Variants in PHIP observed in about 807,000 individuals in gnomAD.
The protein encoded by PHIP is PHIP subunit of CUL4-Ring ligase complex, also known as PH-interacting protein.
Under a neutral mutation model 236.8 loss-of-function variants are expected in PHIP, and 54 were observed. The ratio of observed to expected loss-of-function variants is 0.23; its 90% CI spans 0.18 to 0.29. The LOEUF (loss-of-function observed/expected upper bound fraction) is 0.29. Among genes scored for constraint, PHIP ranks in the 10% least tolerant of loss-of-function variants. The pLI is 1.00. For synonymous variants in PHIP, 756 were observed against 718.9 expected, an observed-to-expected ratio of 1.05 and a Z score of -0.83; for missense variants, 1,370 against 2,190.8, an observed-to-expected ratio of 0.63 and a Z score of 7.48.
At chr6:78,946,356 T>G in intron 37 of PHIP, 96 bp from the exon 38 acceptor site, 1 of 1,418,204 alleles carries the variant, frequency 7.1e-7, no homozygotes, top group Non-Finnish European at 9.4e-7. Context: ...TGTACTATTA[T>G]GAAATATGTT....
intron 4 of PHIP, among the ~76,000 whole-genome samples, chr6:79,071,207 CTGA>C (rs754873737): frequency 2.4e-4 from 37 of 152,326 alleles, no homozygotes; most frequent in Non-Finnish European, 3.7e-4. Flanking sequence ...TGCCTCACAA[CTGA>C]TGATTGCCTT....
At chr6:79,056,831 G>A (rs564235041) in intron 6 of PHIP, among the ~76,000 whole-genome samples, 13 of 152,048 alleles carry the variant, frequency 8.5e-5, no homozygotes, top group South Asian at 2.1e-4. Flanking sequence ...TTGCTTATCC[G>A]CAACTCCAGA....
chr6:79,072,873 T>C (rs1773955807), intron 4 of PHIP, among the ~76,000 whole-genome samples: 1 of 152,218 alleles, frequency 6.6e-6, no homozygotes, highest in Non-Finnish European at 1.5e-5. Context: ...AAGAAAACTT[T>C]ATTATAAAGC....
At position 79,028,409 on chromosome 6, in the gene PHIP, G is replaced by A. The variant is rs144647086; in HGVS notation, c.601-2245C>T. On this transcript the variant is annotated intron_variant, in intron 7 of 39. Coordinates refer to ENST00000275034, the MANE Select transcript of PHIP (RefSeq NM_017934.7). ...ATAAGTGGTAACACAAATTATTATA[G>A]CAAAAAAGAATAATCAAAGACATGG... 6.2e-4 allele frequency among the ~76,000 whole-genome samples: 95 copies of A among 152,138 alleles called. 1 individual carries two copies. In the East Asian group the frequency reaches 0.014, roughly 23 times the overall value.
intron 16 of PHIP, among the ~76,000 whole-genome samples, chr6:79,002,630 G>A (rs1226653516): frequency 6.6e-6 from 1 of 152,042 alleles, no homozygotes; most frequent in Non-Finnish European, 1.5e-5. Context: ...TACTTTCCAA[G>A]GTTTTAGACA....
intron 35 of PHIP, among the ~76,000 whole-genome samples, chr6:78,948,398 C>G (rs1283320): frequency 0.11 from 16,157 of 152,096 alleles, 893 homozygotes; most frequent in Middle Eastern, 0.19. Context: ...AAAACACACA[C>G]GTGAAACAGG....
rs1460441805 is a variant in PHIP, at chr6:79,025,542, C to A, written c.900G>T (p.Trp300Cys). The A allele has an allele frequency of 5.0e-6, 8 of 1,607,056 alleles. No individual in the cohort carries two copies. Among genetic ancestry groups the A allele is most frequent in the Non-Finnish European group, 6.0e-6 (7 of 1,173,970 alleles). The change falls in exon 9 of 40, where the codon TGG becomes TGT. Residue 300 changes from tryptophan to cysteine, a missense_variant. Around this residue, in one of 14 missense-constraint regions of PHIP, gnomAD observed 188 missense variants for 354.3 expected, o/e 0.53. Coordinates refer to ENST00000275034, the MANE Select transcript of PHIP (RefSeq NM_017934.7). ...ACTTTATTTTAAGGGTTCCAGCATC[C>A]CAGAGCCAAAAACAAATAGTGCCAT... ...GADGTICFWL[W>C]DAGTLKINPR... is the part of the protein sequence containing the mutation.
At position 79,078,252 on chromosome 6, in the gene PHIP, A is replaced by G. The variant is rs549164534; in HGVS notation, c.-184T>C. On this transcript the variant is annotated 5_prime_UTR_variant, in exon 1 of 40. Coordinates refer to ENST00000275034, the MANE Select transcript of PHIP (RefSeq NM_017934.7). Reference sequence around the variant, plus strand: ...AGGAAACAACAACTCTCAGGCAGCGACTACGGCCGTGGCCGCCTCCGCCGC... The same window carrying G: ...AGGAAACAACAACTCTCAGGCAGCGGCTACGGCCGTGGCCGCCTCCGCCGC... 9.3e-4 allele frequency: 529 copies of G among 568,582 alleles called. 9 individuals carry two copies. Among genetic ancestry groups the G allele is most frequent in the South Asian group, 6.2e-3 (278 of 44,632 alleles). The allele number at this position is 568,582 out of a possible 1,614,324, so 35.2% of individuals were successfully genotyped here. A position where few individuals can be genotyped will look rare whatever the true frequency, so the allele number is the denominator to read the frequency against.
intron 19 of PHIP, among the ~76,000 whole-genome samples, chr6:78,993,755 G>T (rs1769423976): frequency 1.3e-5 from 2 of 152,176 alleles, no homozygotes; most frequent in Admixed American, 6.5e-5. Context: ...CTCTGATGCA[G>T]ATATACAAGG....
Position 79,042,869 on chromosome 6 carries a change from CA to C in PHIP, c.573del (p.Phe191LeufsTer17). 6.2e-7 allele frequency: 1 copy of C among 1,602,594 alleles called. No homozygotes were observed. The highest frequency in any genetic ancestry group is 1.1e-5 in the South Asian group (1 of 88,226). ...GHLSSVYCVT[F>X]DRTGRRIFTG... ...GTAAATATCCGTCTGCCAGTTCGAT[CA>C]AAAGTTACACAGTACACAGATGACA... On this transcript the variant is annotated frameshift_variant, in exon 7 of 40. Transcript: ENST00000275034. LOFTEE classifies it high-confidence loss of function.
chr6:79,062,899 C>T (rs1417888210), intron 4 of PHIP, among the ~76,000 whole-genome samples: 2 of 152,190 alleles, frequency 1.3e-5, no homozygotes, highest in Non-Finnish European at 2.9e-5. Context: ...CACTGCCTTC[C>T]ATGACCTATT....
At chr6:78,986,791 T>C (rs1295310835) in intron 21 of PHIP, among the ~76,000 whole-genome samples, 1 of 152,180 alleles carries the variant, frequency 6.6e-6, no homozygotes, top group East Asian at 1.9e-4. Context: ...TTATGAAAAC[T>C]AAGCAAAAAT....
intron 6 of PHIP, among the ~76,000 whole-genome samples, chr6:79,048,709 A>C (rs1160120246): frequency 3.9e-5 from 6 of 152,202 alleles, no homozygotes; most frequent in African/African-American, 1.4e-4. Flanking sequence ...ATAACAATAT[A>C]ATATGCTATA....
chr6:78,985,559 C>T, intron 21 of PHIP, 131 bp from the exon 22 acceptor site: 1 of 687,436 alleles, frequency 1.5e-6, no homozygotes, highest in Non-Finnish European at 2.6e-6. Context: ...AAATTAGTTG[C>T]AAAGGGTGTT....
chr6:79,009,321 T>C (rs917332350), intron 15 of PHIP, among the ~76,000 whole-genome samples: 2 of 152,126 alleles, frequency 1.3e-5, no homozygotes, highest in South Asian at 2.1e-4. Flanking sequence ...CTTTTTATAA[T>C]GTTCCTCTTG....
chr6:79,018,987 T>C (rs1057137859), intron 10 of PHIP, 102 bp downstream of exon 10: 2 of 746,876 alleles, frequency 2.7e-6, no homozygotes, highest in East Asian at 2.5e-5. Flanking sequence ...AAGAACATGA[T>C]TGATAATACA....
intron 21 of PHIP, among the ~76,000 whole-genome samples, chr6:78,985,751 G>A (rs113771950): frequency 0.11 from 16,159 of 152,056 alleles, 888 homozygotes; most frequent in Middle Eastern, 0.19. Flanking sequence ...ACTGAGGCAC[G>A]GAATTGCTTG....
chr6:79,026,101 T>G lies in PHIP; in HGVS notation c.664A>C (p.Arg222=), dbSNP rs781743685. ...TCTGATATTTCAGCAGCATGTCCTC[T>G]TAAGGTAGCTAACAACCTCCCATCA... ...TDDGRLLATL[R]GHAAEISDMA... The change falls in exon 8 of 40, where the codon AGA becomes CGA. Residue 222 remains arginine, a synonymous_variant. Transcript: ENST00000275034. 1 of 1,614,076 alleles carries G rather than the reference T, an allele frequency of 6.2e-7. No homozygotes were observed. Among genetic ancestry groups the G allele is most frequent in the South Asian group, 1.1e-5 (1 of 91,080 alleles).
chr6:79,021,437 C>T (rs1212768278), intron 9 of PHIP, among the ~76,000 whole-genome samples: 1 of 152,092 alleles, frequency 6.6e-6, no homozygotes, highest in Non-Finnish European at 1.5e-5. Flanking sequence ...CGTGAGCCAA[C>T]ACGCCCCGCC....
Sources: gnomAD v4.1 joint callset for allele counts (sites outside exome capture counted in the v4.1 genomes callset) on GRCh38, gnomAD v4.1.1 for gene constraint, gnomAD v4.1.1 regional missense constraint, MANE v1.5 for transcripts, NCBI Gene and HGNC (gene_info 2026-07-23, HGNC 2026-07-21) for gene names.